Variants in SAMMSON observed in about 807,000 individuals in gnomAD.
SAMMSON encodes survival associated mitochondrial melanoma specific oncogenic non-coding RNA.
intron 4 of SAMMSON, among the ~76,000 whole-genome samples, chr3:70,237,361 A>G (rs1228260671): frequency 3.9e-5 from 6 of 152,126 alleles, no homozygotes; most frequent in Admixed American, 6.5e-5. Flanking sequence ...CATCCCTCTC[A>G]TATGTGTGAT....
At chr3:70,333,834 A>G (rs1190022671) in intron 7 of SAMMSON, among the ~76,000 whole-genome samples, 2 of 152,194 alleles carry the variant, frequency 1.3e-5, no homozygotes, top group African/African-American at 4.8e-5. Context: ...GGATAACCCA[A>G]TGAAGCATGT....
intron 9 of SAMMSON, among the ~76,000 whole-genome samples, chr3:70,362,804 CTTT>C (rs11360944): frequency 2.2e-5 from 3 of 134,020 alleles, no homozygotes; most frequent in East Asian, 2.2e-4. Context: ...GAAAGATCTG[CTTT>C]TTTTTTTTTT....
At chr3:70,358,578 A>G (rs1702846672) in intron 9 of SAMMSON, among the ~76,000 whole-genome samples, 1 of 152,280 alleles carries the variant, frequency 6.6e-6, no homozygotes, top group African/African-American at 2.4e-5. Context: ...ATTGGCCAGA[A>G]GTGGCATATA....
intron 4 of SAMMSON, among the ~76,000 whole-genome samples, chr3:70,177,303 A>G (rs1228363019): frequency 6.6e-6 from 1 of 152,234 alleles, no homozygotes; most frequent in East Asian, 1.9e-4. Flanking sequence ...AGATCTGCAC[A>G]GGGTGTGCCA....
chr3:70,058,892 G>T (rs2067177571), intron 3 of SAMMSON, among the ~76,000 whole-genome samples: 2 of 152,102 alleles, frequency 1.3e-5, no homozygotes, highest in African/African-American at 4.8e-5. Flanking sequence ...GTGGAATTCA[G>T]ATTTGTATCT....
intron 7 of SAMMSON, chr3:70,302,499 T>TTG (rs1302650215): frequency 6.6e-6 from 1 of 152,202 alleles, no homozygotes; most frequent in African/African-American, 2.4e-5. Context: ...TGATTAAGTG[T>TTG]ATCACATCAA....
intron 4 of SAMMSON, among the ~76,000 whole-genome samples, chr3:70,239,928 G>A (rs1701649875): frequency 6.6e-6 from 1 of 152,138 alleles, no homozygotes; most frequent in Non-Finnish European, 1.5e-5. Flanking sequence ...TACTTTGTGT[G>A]TGTGTGTGTG....
At chr3:70,379,050 G>A (rs1452027130) in intron 9 of SAMMSON, among the ~76,000 whole-genome samples, 4 of 149,906 alleles carry the variant, frequency 2.7e-5, no homozygotes, top group Non-Finnish European at 5.9e-5. Context: ...GTCTCACTCT[G>A]TCGCCCAGGC....
In SAMMSON at chr3:70,255,756, C is replaced by A. The variant is rs1290733068; in HGVS notation, n.674+6086C>A. ...ACAGGTATGATCCCCCGTACCCAGC[C>A]AGGGGGCTATTTTTCAACTGCAGCT... On this transcript the variant is annotated intron_variant and non_coding_transcript_variant, in intron 6 of 9. Transcript: ENST00000642114. Among the ~76,000 whole-genome samples, 4 of 152,266 alleles carry A rather than the reference C, an allele frequency of 2.6e-5. No homozygotes were observed. In the East Asian group the frequency reaches 7.7e-4, roughly 29 times the overall value.
At chr3:70,024,030 C>A (rs2067027143) in intron 3 of SAMMSON, among the ~76,000 whole-genome samples, 1 of 151,916 alleles carries the variant, frequency 6.6e-6, no homozygotes, top group South Asian at 2.1e-4. Flanking sequence ...CATGGTTACC[C>A]AAACTGGTCT....
At chr3:70,100,533 G>GTAAAAAAA (rs2067340270) in intron 4 of SAMMSON, among the ~76,000 whole-genome samples, 2 of 149,348 alleles carry the variant, frequency 1.3e-5, no homozygotes, top group African/African-American at 2.5e-5. Context: ...GGGGGGGGGG[G>GTAAAAAAA]AAGCACCAAA....
intron 7 of SAMMSON, chr3:70,291,388 G>A (rs1053932948): frequency 1.3e-5 from 2 of 151,936 alleles, no homozygotes; most frequent in East Asian, 1.9e-4. Context: ...TTATCATTAC[G>A]ATATAACAAA....
chr3:70,072,646 G>GAAAAAAAAAAAAAAAAAA (rs35807309), intron 4 of SAMMSON: 63 of 87,656 alleles, frequency 7.2e-4, no homozygotes, highest in Middle Eastern at 7.2e-3. Context: ...AACAGCAAAG[G>GAAAAAAAAAAAAAAAAAA]AAAAAAAAAA....
chr3:70,034,754 G>T (rs573818873), intron 3 of SAMMSON, among the ~76,000 whole-genome samples: 1 of 152,276 alleles, frequency 6.6e-6, no homozygotes, highest in Admixed American at 6.5e-5. Flanking sequence ...TGAGGCAGGT[G>T]AATTGCTTGA....
intron 7 of SAMMSON, among the ~76,000 whole-genome samples, chr3:70,347,882 A>C (rs1017695649): frequency 1.3e-5 from 2 of 152,156 alleles, no homozygotes; most frequent in African/African-American, 4.8e-5. Flanking sequence ...ATCTCTACCC[A>C]AAATACAAAA....
At position 70,336,490 on chromosome 3, in the gene SAMMSON, A is replaced by G. The variant is rs980348487; in HGVS notation, n.740-17685A>G. Among the ~76,000 whole-genome samples, 11 of 152,036 alleles carry G rather than the reference A, an allele frequency of 7.2e-5. No homozygotes were observed. The South Asian group carries it at 8.3e-4, about 11-fold the overall frequency. On this transcript the variant is annotated intron_variant and non_coding_transcript_variant, in intron 7 of 9. Coordinates refer to ENST00000642114, the Ensembl canonical transcript of SAMMSON. The stretch of plus-strand genomic sequence containing the variant: ...GAGTTCCCCTTTCCCACTCAAAGAC[A>G]TATCTGTCAATCTTGGAGGTTTGTG...
At chr3:70,337,600 T>A (rs1004546734) in intron 7 of SAMMSON, among the ~76,000 whole-genome samples, 1 of 152,026 alleles carries the variant, frequency 6.6e-6, no homozygotes, top group Non-Finnish European at 1.5e-5. Context: ...AGATCTTGCA[T>A]CACTTGGCAT....
intron 4 of SAMMSON, among the ~76,000 whole-genome samples, chr3:70,186,719 T>A (rs908223638): frequency 4.6e-5 from 7 of 152,214 alleles, no homozygotes. Flanking sequence ...CACTGTGTGA[T>A]GGGAAACAAA....
rs145645772 is a variant in SAMMSON at position 70,309,686 on chromosome 3, A to G, written n.739+18443A>G. Among the ~76,000 whole-genome samples, 3 of 152,340 alleles carry G rather than the reference A, an allele frequency of 2.0e-5. 1 individual carries two copies. Among genetic ancestry groups the G allele is most frequent in the African/African-American group, 7.2e-5 (3 of 41,590 alleles). Reference sequence around the variant, plus strand: ...CATATACTTTTTCTTAACATTGAAAAAAAAGACATTTATGTTTGAAAACTA... The same window carrying G: ...CATATACTTTTTCTTAACATTGAAAGAAAAGACATTTATGTTTGAAAACTA... On this transcript the variant is annotated intron_variant and non_coding_transcript_variant, in intron 7 of 9. Transcript: ENST00000642114.
Sources: allele counts gnomAD v4.1 joint callset (sites outside exome capture counted in the v4.1 genomes callset), GRCh38; gene constraint gnomAD v4.1.1; transcripts MANE v1.5; gene names NCBI Gene and HGNC (gene_info 2026-07-23, HGNC 2026-07-21).